The following ANK2 variants were observed in gnomAD, a reference collection of about 807,000 sequenced individuals.
ANK2 encodes ankyrin-2.
Under a neutral mutation model 360.5 loss-of-function variants are expected in ANK2, and 83 were observed. The ratio of observed to expected loss-of-function variants is 0.23; its 90% CI spans 0.19 to 0.28. The LOEUF (loss-of-function observed/expected upper bound fraction) is 0.28, where lower values mean the gene tolerates loss of function less well. ANK2 is among the 10% of genes least tolerant of loss of function. ANK2 has a pLI of 1.00. For synonymous variants in ANK2, 1,740 were observed against 1,759.5 expected (o/e 0.99, Z 0.28); for missense variants, 4,201 against 4,795.7 (o/e 0.88, Z 3.66).
intron 2 of ANK2, among the ~76,000 whole-genome samples, chr4:112,944,269 A>G (rs891376235): frequency 6.6e-6 from 1 of 152,170 alleles, no homozygotes; most frequent in East Asian, 1.9e-4. Context: ...TTTGTTCACT[A>G]TGATCTTATC....
chr4:112,759,477 A>G, the ANK2 span, among the ~76,000 whole-genome samples: 2 of 152,084 alleles, frequency 1.3e-5, no homozygotes, highest in Middle Eastern at 3.4e-3. Context: ...TTGAATAGCT[A>G]TTTTCTTTAC....
chr4:112,762,964 T>C, the ANK2 span, among the ~76,000 whole-genome samples: 2 of 152,262 alleles, frequency 1.3e-5, no homozygotes, highest in African/African-American at 4.8e-5. Context: ...GAAAATGATA[T>C]AGTTTAATTC....
chr4:113,237,613 G>A lies in ANK2; in HGVS notation c.684G>A (p.Arg228=), dbSNP rs376024223. ...ADVQSKMMVN[R]TTESGFTPLH... is the part of the protein sequence containing the mutation. ...CACTGCTTCAGATGATGGTGAATAG[G>A]ACAACTGAGGTACAGTATTGTGGTT... The change falls in exon 7 of 46, where the codon AGG becomes AGA. Residue 228 remains arginine (R), a synonymous_variant. Coordinates refer to ENST00000357077, the MANE Select transcript of ANK2 (RefSeq NM_001148.6). The A allele has an allele frequency of 8.1e-6, 13 of 1,609,324 alleles. No homozygotes were observed. Among genetic ancestry groups the A allele is most frequent in the Middle Eastern group, 3.3e-4 (2 of 6,076 alleles).
At chr4:113,330,111 A>C in intron 26 of ANK2, 135 bp from the exon 27 acceptor site, 1 of 815,624 alleles carries the variant, frequency 1.2e-6, no homozygotes, top group Non-Finnish European at 1.9e-6. Flanking sequence ...TTTTAAAAAC[A>C]AGCATTTTAC....
the ANK2 span, among the ~76,000 whole-genome samples, chr4:112,716,916 T>C: frequency 7.2e-5 from 11 of 152,280 alleles, no homozygotes; most frequent in South Asian, 2.1e-3. Context: ...ACTATCCACA[T>C]TGCTTTACAT....
At chr4:113,169,251 T>C (rs1399210463) in intron 1 of ANK2, among the ~76,000 whole-genome samples, 1 of 152,168 alleles carries the variant, frequency 6.6e-6, no homozygotes, top group Non-Finnish European at 1.5e-5. Flanking sequence ...AATTGAGACA[T>C]ACAATGACCC....
chr4:113,182,939 A>G (rs2098446429), intron 2 of ANK2, among the ~76,000 whole-genome samples: 1 of 152,086 alleles, frequency 6.6e-6, no homozygotes, highest in Non-Finnish European at 1.5e-5. Context: ...AAATATCAAC[A>G]GGGAAGGAAA....
At chr4:112,868,767 A>G (rs2071658589) in intron 1 of ANK2, among the ~76,000 whole-genome samples, 1 of 152,208 alleles carries the variant, frequency 6.6e-6, no homozygotes, top group Non-Finnish European at 1.5e-5. Context: ...TGATGTTTTG[A>G]TATGTATATA....
At chr4:113,176,000 T>A (rs1156602169) in intron 2 of ANK2, among the ~76,000 whole-genome samples, 6 of 152,186 alleles carry the variant, frequency 3.9e-5, no homozygotes. Context: ...TCTGGGCTAT[T>A]TCTCAGGGTG....
intron 1 of ANK2, among the ~76,000 whole-genome samples, chr4:113,103,247 A>G (rs147424855): frequency 6.5e-4 from 99 of 152,270 alleles, no homozygotes; most frequent in Non-Finnish European, 1.0e-4. Context: ...TGCAAATACT[A>G]TGATATGGCT....
chr4:113,263,004 A>G (rs1470894237), intron 13 of ANK2, among the ~76,000 whole-genome samples: 1 of 151,710 alleles, frequency 6.6e-6, no homozygotes. Context: ...CTTGACCAAC[A>G]TGATGAAACC....
At chr4:112,875,392 C>T (rs911641000) in intron 1 of ANK2, among the ~76,000 whole-genome samples, 5 of 152,194 alleles carry the variant, frequency 3.3e-5, no homozygotes, top group East Asian at 1.9e-4. Flanking sequence ...TAGCTCACTG[C>T]ACCCTTGAAC....
At chr4:112,765,436 T>C in the ANK2 span, among the ~76,000 whole-genome samples, 5 of 152,194 alleles carry the variant, frequency 3.3e-5, no homozygotes, top group Non-Finnish European at 5.9e-5. Context: ...CGTCCCCTTT[T>C]GAATTTGTAG....
intron 1 of ANK2, among the ~76,000 whole-genome samples, chr4:113,110,815 GTGTTTA>G (rs929943723): frequency 1.1e-4 from 17 of 152,280 alleles, no homozygotes; most frequent in African/African-American, 4.1e-4. Flanking sequence ...ATTGCTGAAA[GTGTTTA>G]TGTTTGTGTT....
At chr4:112,905,808 T>G (rs891328555) in intron 2 of ANK2, among the ~76,000 whole-genome samples, 1 of 152,178 alleles carries the variant, frequency 6.6e-6, no homozygotes, top group Non-Finnish European at 1.5e-5. Context: ...ACTACAGACT[T>G]GCACCACCAT....
intron 1 of ANK2, among the ~76,000 whole-genome samples, chr4:113,095,565 T>G (rs1322093807): frequency 6.6e-6 from 1 of 152,174 alleles, no homozygotes; most frequent in South Asian, 2.1e-4. Flanking sequence ...ATTCTTTCTT[T>G]CTATTATTCT....
At chr4:112,875,010 T>C (rs958748664) in intron 1 of ANK2, among the ~76,000 whole-genome samples, 1 of 151,932 alleles carries the variant, frequency 6.6e-6, no homozygotes, top group African/African-American at 2.4e-5. Flanking sequence ...AAGGCCATTC[T>C]GAGAAATTAT....
chr4:112,959,344 A>G (rs1476179646), intron 2 of ANK2, among the ~76,000 whole-genome samples: 1 of 152,228 alleles, frequency 6.6e-6, no homozygotes, highest in Non-Finnish European at 1.5e-5. Context: ...ACAAGAACAA[A>G]AACAAAACAG....
chr4:112,910,682 A>T lies in ANK2; in HGVS notation c.21+6168A>T, dbSNP rs1202050543. Among the ~76,000 whole-genome samples the T allele has an allele frequency of 2.0e-5, 3 of 152,326 alleles. No individual in the cohort carries two copies. In the East Asian group the frequency reaches 5.8e-4, roughly 29 times the overall value. On this transcript the variant is annotated intron_variant, in intron 2 of 30. Transcript: ENST00000503271. Reference sequence around the variant, plus strand: ...GCACTTGGCAGATCTGCAAATATGCATATTTCTGCTCAGTACCATCAGGCA... The same window carrying T: ...GCACTTGGCAGATCTGCAAATATGCTTATTTCTGCTCAGTACCATCAGGCA...
Sources: allele counts gnomAD v4.1 joint callset (sites outside exome capture counted in the v4.1 genomes callset), GRCh38; gene constraint gnomAD v4.1.1; transcripts MANE v1.5; gene names NCBI Gene and HGNC (gene_info 2026-07-23, HGNC 2026-07-21).